JMJD1C: variants seen among roughly 807,000 people sequenced by gnomAD.
The protein encoded by JMJD1C is jumonji domain-containing protein 1C.
In JMJD1C, 31 loss-of-function variants were observed where a neutral mutation model predicts 245.3. That is an observed-to-expected ratio of 0.13 (90% CI 0.09 to 0.17). The LOEUF is 0.17. Among genes scored for constraint, JMJD1C ranks in the 10% least tolerant of loss-of-function variants. The probability of loss-of-function intolerance (pLI) is 1.00; values close to 1 mark genes in which losing one functional copy is unlikely to be tolerated. For missense variants in JMJD1C, 2,691 were observed against 3,000.2 expected, an observed-to-expected ratio of 0.90 and a Z score of 2.41; for synonymous variants, 1,057 against 1,017.4, an observed-to-expected ratio of 1.04 and a Z score of -0.74.
intron 2 of JMJD1C, among the ~76,000 whole-genome samples, chr10:63,321,336 T>C (rs1170840656): frequency 6.6e-6 from 1 of 152,202 alleles, no homozygotes; most frequent in African/African-American, 2.4e-5. Context: ...AGCTGCTCAG[T>C]CAGAAGTATA....
chr10:63,374,603 C>A (rs1288762272), intron 2 of JMJD1C, among the ~76,000 whole-genome samples: 1 of 152,250 alleles, frequency 6.6e-6, no homozygotes, highest in African/African-American at 2.4e-5. Flanking sequence ...TATGAATATA[C>A]ATTTTAAAAA....
chr10:63,396,261 A>G (rs1488920281), intron 1 of JMJD1C, among the ~76,000 whole-genome samples: 2 of 152,190 alleles, frequency 1.3e-5, no homozygotes, highest in Non-Finnish European at 1.5e-5. Context: ...TAGAAGAATG[A>G]GACAATAATC....
chr10:63,223,016 A>G (rs913770741), intron 3 of JMJD1C: 3 of 1,333,420 alleles, frequency 2.2e-6, no homozygotes, highest in African/African-American at 2.9e-5. Context: ...ACTATATAAC[A>G]ATACTATTAA....
chr10:63,167,944 C>A lies in JMJD1C; in HGVS notation c.*101G>T. 1 of 731,812 alleles carries A rather than the reference C, an allele frequency of 1.4e-6. No homozygotes were observed. The highest frequency in any genetic ancestry group is 2.4e-6 in the Non-Finnish European group (1 of 413,354). 45.3% of individuals were successfully genotyped at this position (731,812 alleles called of 1,614,324 possible). On this transcript the variant is annotated 3_prime_UTR_variant, in exon 26 of 26. Transcript: ENST00000399262. ...TTACTACAAAGAGAATTTCTTGGCA[C>A]TGATGGTTTTATGAAGCTTAAAGTC...
chr10:63,363,275 T>TC lies in JMJD1C; in HGVS notation c.333+17042dup, dbSNP rs760405133. On this transcript the variant is annotated intron_variant, in intron 2 of 25. Transcript: ENST00000399262. ...TTCTTTTTTTTTTTTTTTTTTTTTT[T>TC]CCTGATGGAGTCTCGCTCTGTCGTC... Among the ~76,000 whole-genome samples the TC allele has an allele frequency of 1.7e-4, 24 of 141,636 alleles. 1 individual carries two copies. Among genetic ancestry groups the TC allele is most frequent in the South Asian group, 8.8e-4 (4 of 4,548 alleles). 92.9% of individuals were successfully genotyped at this position (141,636 alleles called of 152,430 possible).
chr10:63,489,393 T>G (rs1350390856), intron 1 of JMJD1C: 1 of 152,334 alleles, frequency 6.6e-6, no homozygotes, highest in African/African-American at 2.4e-5. Context: ...TGAGTGAAAC[T>G]CTGTCTCAAA....
chr10:63,215,060 A>C lies in JMJD1C; in HGVS notation c.1107T>G (p.Thr369=), dbSNP rs1312225422. The change falls in exon 8 of 26, where the codon ACT becomes ACG. Residue 369 remains threonine, a synonymous_variant. Coordinates refer to ENST00000399262, the MANE Select transcript of JMJD1C (RefSeq NM_032776.3). The part of the protein sequence containing the change: ...EKKLNMKRLR[T]DNVSDFSESS... The stretch of plus-strand genomic sequence containing the variant: ...TCTCAGAAAAGTCTGAAACATTGTC[A>C]GTTCGAAGTCTTTTCATATTTAGTT... The C allele has an allele frequency of 6.2e-7, 1 of 1,605,432 alleles. No homozygotes were observed. Among genetic ancestry groups the C allele is most frequent in the Admixed American group, 1.7e-5 (1 of 58,780 alleles).
chr10:63,500,798 C>CGGATGCATGGATGCACAGAT (rs1475983579), intron 1 of JMJD1C, among the ~76,000 whole-genome samples: 8 of 69,706 alleles, frequency 1.1e-4, no homozygotes, highest in Non-Finnish European at 2.5e-4. Flanking sequence ...GATGGATGCA[C>CGGATGCATGGATGCACAGAT]GGATGCATGG....
At position 63,207,640 on chromosome 10, in the gene JMJD1C, G is replaced by T. The variant is rs1240715833; in HGVS notation, c.4029C>A (p.Leu1343=). Residue 1343 remains leucine, a synonymous_variant, in exon 10 of 26, where the codon CTC becomes CTA. Transcript: ENST00000399262. The part of the protein sequence containing the change: ...SSAGAHKTDC[L]KLAEAGETGR... ...CAGTTTCTCCGGCTTCTGCTAGTTT[G>T]AGGCAATCTGTTTTATGTGCCCCAG... 6.2e-7 allele frequency: 1 copy of T among 1,614,054 alleles called. No individual in the cohort carries two copies. Among genetic ancestry groups the T allele is most frequent in the East Asian group, 2.2e-5 (1 of 44,880 alleles).
At position 63,329,288 on chromosome 10, in the gene JMJD1C, AAAAG is replaced by A. The variant is rs549092911; in HGVS notation, c.333+51026_333+51029del. Among the ~76,000 whole-genome samples, 430 of 151,908 alleles carry A rather than the reference AAAAG, an allele frequency of 2.8e-3. 5 individuals carry two copies. Among genetic ancestry groups the A allele is most frequent in the African/African-American group, 7.1e-3 (296 of 41,446 alleles). ...CAGGGAGACCTTATTTCAAAAAAAA[AAAAG>A]AAAGAAAGAAAGAAAGAAAAAAGGA... On this transcript the variant is annotated intron_variant, in intron 2 of 25. Coordinates refer to ENST00000399262, the MANE Select transcript of JMJD1C (RefSeq NM_032776.3).
intron 2 of JMJD1C, among the ~76,000 whole-genome samples, chr10:63,286,213 T>A (rs1857965586): frequency 6.6e-6 from 1 of 152,174 alleles, no homozygotes; most frequent in Non-Finnish European, 1.5e-5. Flanking sequence ...AAAAGAAACA[T>A]GAGACACACA....
chr10:63,168,953 T>C (rs563057486), intron 24 of JMJD1C, among the ~76,000 whole-genome samples: 144 of 152,322 alleles, frequency 9.5e-4, no homozygotes, highest in Non-Finnish European at 1.8e-3. Context: ...TGTTGCTCCA[T>C]TGGCTTTCAG....
chr10:63,263,959 T>TACACACACACACACACACAC (rs746833882), intron 3 of JMJD1C, among the ~76,000 whole-genome samples: 1 of 83,006 alleles, frequency 1.2e-5, no homozygotes, highest in African/African-American at 4.2e-5. Context: ...AAAATACACA[T>TACACACACACACACACACAC]ACACACACAC....
At position 63,346,027 on chromosome 10, in the gene JMJD1C, T is replaced by G. The variant is rs527696328; in HGVS notation, c.333+34291A>C. 2.0e-5 allele frequency among the ~76,000 whole-genome samples: 3 copies of G among 152,320 alleles called. No homozygotes were observed. The South Asian group carries it at 6.2e-4, about 32-fold the overall frequency. On this transcript the variant is annotated intron_variant, in intron 2 of 25. Coordinates refer to ENST00000399262, the MANE Select transcript of JMJD1C (RefSeq NM_032776.3). ...TACGACTTTCTGTGTTTTTCACAAA[T>G]CATGCAGCAGATATTTTTAAATCTT...
intron 1 of JMJD1C, among the ~76,000 whole-genome samples, chr10:63,490,151 C>A (rs1954121865): frequency 6.6e-6 from 1 of 152,062 alleles, no homozygotes; most frequent in Non-Finnish European, 1.5e-5. Flanking sequence ...GCCAAAAAGG[C>A]TGGGGACCAC....
intron 2 of JMJD1C, among the ~76,000 whole-genome samples, chr10:63,308,602 G>A (rs1938630376): frequency 7.0e-6 from 1 of 143,742 alleles, no homozygotes; most frequent in Non-Finnish European, 1.5e-5. Context: ...AAAATAAGCT[G>A]CTATAGGAAA....
chr10:63,310,147 T>C (rs796605244), intron 2 of JMJD1C, among the ~76,000 whole-genome samples: 1 of 152,160 alleles, frequency 6.6e-6, no homozygotes, highest in Non-Finnish European at 1.5e-5. Context: ...TCTAACAGCA[T>C]AATACAAGAC....
At chr10:63,317,728 A>C (rs969485657) in intron 2 of JMJD1C, among the ~76,000 whole-genome samples, 9 of 152,180 alleles carry the variant, frequency 5.9e-5, no homozygotes, top group African/African-American at 2.2e-4. Flanking sequence ...TAAATATTTG[A>C]TATCATTCCA....
chr10:63,317,300 A>G (rs947969961), intron 2 of JMJD1C, among the ~76,000 whole-genome samples: 4 of 152,056 alleles, frequency 2.6e-5, no homozygotes, highest in Non-Finnish European at 5.9e-5. Flanking sequence ...AGGTCAGAAG[A>G]TTGAGACCAC....
Sources: allele counts gnomAD v4.1 joint callset (sites outside exome capture counted in the v4.1 genomes callset), GRCh38; gene constraint gnomAD v4.1.1; transcripts MANE v1.5; gene names NCBI Gene and HGNC (gene_info 2026-07-23, HGNC 2026-07-21).